FGFRL1: variants seen among roughly 807,000 people sequenced by gnomAD.
FGFRL1 encodes the protein fibroblast growth factor receptor-like 1.
Under a neutral mutation model 36.8 loss-of-function variants are expected in FGFRL1, and 24 were observed. The ratio of observed to expected loss-of-function variants is 0.65; its 90% CI spans 0.47 to 0.92. FGFRL1 has a LOEUF of 0.92. FGFRL1 is among the 40% of genes least tolerant of loss of function. FGFRL1 has a pLI of 0.00. For missense variants in FGFRL1, 785 were observed against 753.4 expected, an observed-to-expected ratio of 1.04 and a Z score of -0.49; for synonymous variants, 422 against 344.1, an observed-to-expected ratio of 1.23 and a Z score of -2.50.
chr4:1,021,455 G>A (rs1716175065), intron 2 of FGFRL1, among the ~76,000 whole-genome samples: 1 of 152,112 alleles, frequency 6.6e-6, no homozygotes, highest in Admixed American at 6.5e-5. Flanking sequence ...CTGACCCCAG[G>A]GCCTTGGGGT....
In FGFRL1 at chr4:1,012,474, G is replaced by A. The variant is rs1404711194; in HGVS notation, c.-12G>A. The A allele has an allele frequency of 5.1e-6, 8 of 1,576,166 alleles. No homozygotes were observed. The East Asian group carries it at 7.5e-5, about 15-fold the overall frequency. ...CGGCGCCCCCAATGTCCCCAGGTCC[G>A]GACAGGCCGAGATGACGCCGAGCCC... On this transcript the variant is annotated 5_prime_UTR_variant, in exon 2 of 7. Transcript: ENST00000510644.
intron 2 of FGFRL1, among the ~76,000 whole-genome samples, chr4:1,014,708 C>T (rs953974471): frequency 1.3e-5 from 2 of 152,252 alleles, no homozygotes; most frequent in Non-Finnish European, 1.5e-5. Context: ...CTTCCTCCCT[C>T]GCCCCAGGCC....
chr4:1,016,052 C>CT (rs112076223), intron 2 of FGFRL1, among the ~76,000 whole-genome samples: 20 of 152,304 alleles, frequency 1.3e-4, no homozygotes, highest in Admixed American at 4.6e-4. Context: ...GTCCCCAGCT[C>CT]TGTCCTTGAG....
chr4:1,013,765 G>A (rs1280619663), intron 2 of FGFRL1, among the ~76,000 whole-genome samples: 1 of 152,294 alleles, frequency 6.6e-6, no homozygotes, highest in Admixed American at 6.5e-5. Flanking sequence ...ATGTTTCCTG[G>A]CTGGGGCTGA....
intron 2 of FGFRL1, among the ~76,000 whole-genome samples, chr4:1,014,995 C>CGCT (rs1420464114): frequency 1.3e-5 from 2 of 152,334 alleles, no homozygotes; most frequent in African/African-American, 4.8e-5. Flanking sequence ...GCAGGCCCCG[C>CGCT]GCTGCGGCCC....
upstream of FGFRL1, among the ~76,000 whole-genome samples, chr4:1,011,624 G>T (rs1182133597): frequency 1.4e-5 from 2 of 144,712 alleles, no homozygotes; most frequent in African/African-American, 2.5e-5. Flanking sequence ...GCTCGCTCCG[G>T]GAGAGTTGAC....
Position 1,025,202 on chromosome 4 carries a change from A to G in FGFRL1, c.1370A>G (p.Gln457Arg), listed in dbSNP as rs1716445850. ...GAGCATGGGTCTCCGGCAGCCCCCC[A>G]GCACTTACTGGGCCCAGGCCCAGTT... ...CEEHGSPAAPQHLLGPGPVAG... is the reference protein window; with the variant it reads ...CEEHGSPAAPRHLLGPGPVAG... The change falls in exon 7 of 7, where the codon CAG becomes CGG. Residue 457 changes from glutamine to arginine, a missense_variant. Gln to Arg is a conservative substitution (Grantham distance 43, BLOSUM62 1). Transcript: ENST00000510644. 3.1e-6 allele frequency: 5 copies of G among 1,610,678 alleles called. No individual in the cohort carries two copies. The highest frequency in any genetic ancestry group is 1.7e-4 in the Middle Eastern group (1 of 6,056).
At chr4:1,022,796 G>A (rs529846415) in intron 3 of FGFRL1, among the ~76,000 whole-genome samples, 4 of 152,342 alleles carry the variant, frequency 2.6e-5, no homozygotes, top group Admixed American at 6.5e-5. Context: ...GCCGGCCGTC[G>A]GCTGTGACTT....
chr4:1,014,237 A>G lies in FGFRL1; in HGVS notation c.79+1673A>G, dbSNP rs1008859434. Among the ~76,000 whole-genome samples, 7 of 151,532 alleles carry G rather than the reference A, an allele frequency of 4.6e-5. No homozygotes were observed. In the South Asian group the frequency reaches 1.2e-3, roughly 27 times the overall value. ...TATTTTAAAAGTTCCTCTTTTCCCA[A>G]ACTTTCACAATCTTGGTGGATTTGT... On this transcript the variant is annotated intron_variant, in intron 2 of 6. Transcript: ENST00000510644.
In FGFRL1 at chr4:1,025,445, C is replaced by A; in HGVS notation, c.*98C>A. ...GCAGACGAAGGCAGGGGACCCATGG[C>A]GAGGAGGAATGGCCAGCACCCCAGG... On this transcript the variant is annotated 3_prime_UTR_variant, in exon 7 of 7. Transcript: ENST00000510644. 7.0e-7 allele frequency: 1 copy of A among 1,434,070 alleles called. No homozygotes were observed. The highest frequency in any genetic ancestry group is 9.4e-7 in the Non-Finnish European group (1 of 1,067,966). 88.8% of individuals were successfully genotyped at this position (1,434,070 alleles called of 1,614,324 possible).
At chr4:1,018,802 C>T (rs897038076) in intron 2 of FGFRL1, among the ~76,000 whole-genome samples, 7 of 152,284 alleles carry the variant, frequency 4.6e-5, no homozygotes, top group South Asian at 2.1e-4. Flanking sequence ...TGATCATTCC[C>T]CAGGAATCTG....
At position 1,026,010 on chromosome 4, in the gene FGFRL1, C is replaced by G. The variant is rs893208143; in HGVS notation, c.*663C>G. On this transcript the variant is annotated 3_prime_UTR_variant, in exon 7 of 7. Coordinates refer to ENST00000510644, the MANE Select transcript of FGFRL1 (RefSeq NM_001004356.3). The stretch of plus-strand genomic sequence containing the variant: ...CACACGCAGATATGCTGTCTAGTCA[C>G]ACACACACGCAGACATGCTGTCCGG... 1 of 146,850 alleles carries G rather than the reference C, an allele frequency of 6.8e-6. No individual in the cohort carries two copies. The highest frequency in any genetic ancestry group is 2.6e-5 in the African/African-American group (1 of 39,116). 9.1% of individuals were successfully genotyped at this position (146,850 alleles called of 1,614,324 possible). A position where few individuals can be genotyped will look rare whatever the true frequency, so the allele number is the denominator to read the frequency against.
chr4:1,012,115 CCCCGCG>C (rs1362488716), intron 1 of FGFRL1, 161 bp downstream of exon 1: 1 of 125,444 alleles, frequency 8.0e-6, no homozygotes, highest in Non-Finnish European at 1.6e-5. Flanking sequence ...CCGCCCCCGC[CCCCGCG>C]CCCCACGTGG....
intron 2 of FGFRL1, among the ~76,000 whole-genome samples, chr4:1,019,680 C>T (rs1461137643): frequency 6.6e-6 from 1 of 152,186 alleles, no homozygotes; most frequent in African/African-American, 2.4e-5. Flanking sequence ...GGGCTGGCAG[C>T]CCCCCACAGC....
In FGFRL1 at chr4:1,012,523, C is replaced by T. The variant is rs1165784717; in HGVS notation, c.38C>T (p.Pro13Leu). Residue 13 changes from proline (P) to leucine (L), a missense_variant, in exon 2 of 7, where the codon CCG becomes CTG. By Grantham distance (98) the Pro-to-Leu change is moderately conservative (BLOSUM62 -3). Coordinates refer to ENST00000510644, the MANE Select transcript of FGFRL1 (RefSeq NM_001004356.3). ...CCCCTGTTGCTGCTCCTGCTGCCGC[C>T]GCTGCTGCTGGGGGCCTTCCCGCCG... Reference protein sequence around the residue: ...PSPLLLLLLPPLLLGAFPPAA... With the variant: ...PSPLLLLLLPLLLLGAFPPAA... 5 of 1,545,042 alleles carry T rather than the reference C, an allele frequency of 3.2e-6. No homozygotes were observed. Among genetic ancestry groups the T allele is most frequent in the South Asian group, 1.2e-5 (1 of 84,500 alleles).
At position 1,024,516 on chromosome 4, in the gene FGFRL1, G is replaced by T; in HGVS notation, c.924G>T (p.Thr308=). 1 of 1,612,530 alleles carries T rather than the reference G, an allele frequency of 6.2e-7. No individual in the cohort carries two copies. The highest frequency in any genetic ancestry group is 8.5e-7 in the Non-Finnish European group (1 of 1,179,860). Residue 308 remains threonine (T), a synonymous_variant, in exon 6 of 7, where the codon ACG becomes ACT. Coordinates refer to ENST00000510644, the MANE Select transcript of FGFRL1 (RefSeq NM_001004356.3). The part of the protein sequence containing the change: ...VGGQKFVVLP[T]GDVWSRPDGS... ...GCCAGAAGTTTGTGGTGCTGCCCACGGGTGACGTGTGGTCGCGGCCCGACG... is the reference window on the plus strand; with the variant it reads ...GCCAGAAGTTTGTGGTGCTGCCCACTGGTGACGTGTGGTCGCGGCCCGACG...
chr4:1,012,398 C>A, intron 1 of FGFRL1, 72 bp from the exon 2 acceptor site: 1 of 1,542,182 alleles, frequency 6.5e-7, no homozygotes, highest in Non-Finnish European at 8.7e-7. Context: ...CCCTGATCCC[C>A]GCGGCCCGGG....
intron 3 of FGFRL1, among the ~76,000 whole-genome samples, chr4:1,022,882 G>C (rs889765940): frequency 6.6e-6 from 1 of 152,324 alleles, no homozygotes; most frequent in South Asian, 2.1e-4. Context: ...CCTGGGGCCC[G>C]GGCGCTGGGC....
rs1437908822 is a variant in FGFRL1, at chr4:1,025,457, G to A, written c.*110G>A. The stretch of plus-strand genomic sequence containing the variant: ...AGGGGACCCATGGCGAGGAGGAATG[G>A]CCAGCACCCCAGGCAGTCTGTGTGT... On this transcript the variant is annotated 3_prime_UTR_variant, in exon 7 of 7. Transcript: ENST00000510644. 3 of 1,338,304 alleles carry A rather than the reference G, an allele frequency of 2.2e-6. No homozygotes were observed. Among genetic ancestry groups the A allele is most frequent in the Non-Finnish European group, 3.1e-6 (3 of 982,948 alleles). The allele number at this position is 1,338,304 out of a possible 1,614,324, so 82.9% of individuals were successfully genotyped here. A position where few individuals can be genotyped will look rare whatever the true frequency, so the allele number is the denominator to read the frequency against.
Sources: allele counts gnomAD v4.1 joint callset (sites outside exome capture counted in the v4.1 genomes callset), GRCh38; gene constraint gnomAD v4.1.1; transcripts MANE v1.5; gene names NCBI Gene and HGNC (gene_info 2026-07-23, HGNC 2026-07-21).